Variants in CNTN5 observed in about 807,000 individuals in gnomAD.
CNTN5 encodes the protein contactin-5.
A neutral mutation model predicts 129.1 loss-of-function variants in CNTN5; 77 were observed. The ratio of observed to expected loss-of-function variants is 0.60; its 90% CI spans 0.50 to 0.72. The LOEUF is 0.72. Ranked by LOEUF, CNTN5 falls within the 30% of genes least tolerant of loss-of-function variation. The pLI, the probability that CNTN5 is intolerant of heterozygous loss-of-function variation, is 0.00. For synonymous variants in CNTN5, 509 were observed against 465.6 expected, an observed-to-expected ratio of 1.09 and a Z score of -1.20; for missense variants, 1,478 against 1,328.8, an observed-to-expected ratio of 1.11 and a Z score of -1.75.
intron 3 of CNTN5, among the ~76,000 whole-genome samples, chr11:99,631,907 C>G (rs981862098): frequency 3.3e-5 from 5 of 152,056 alleles, no homozygotes; most frequent in Non-Finnish European, 7.4e-5. Context: ...AGACCACATT[C>G]GTGTAACTTT....
chr11:99,281,604 C>T (rs191863867), intron 1 of CNTN5, among the ~76,000 whole-genome samples: 107 of 152,032 alleles, frequency 7.0e-4, no homozygotes, highest in African/African-American at 1.9e-3. Flanking sequence ...ATGAAACTCA[C>T]GGTCTTTATA....
intron 2 of CNTN5, among the ~76,000 whole-genome samples, chr11:99,486,830 T>C (rs2135334667): frequency 6.6e-6 from 1 of 152,286 alleles, no homozygotes; most frequent in South Asian, 2.1e-4. Context: ...AAAGGAATGA[T>C]GACATAGATC....
intron 1 of CNTN5, among the ~76,000 whole-genome samples, chr11:99,197,940 C>T (rs1858985518): frequency 6.6e-6 from 1 of 151,914 alleles, no homozygotes; most frequent in Non-Finnish European, 1.5e-5. Flanking sequence ...TTAAGAAATT[C>T]CAGTTGTGTC....
chr11:99,996,402 A>G (rs1451546953), intron 8 of CNTN5, among the ~76,000 whole-genome samples: 1 of 152,148 alleles, frequency 6.6e-6, no homozygotes, highest in Non-Finnish European at 1.5e-5. Flanking sequence ...TCTGATAATC[A>G]ATGCTCTCTA....
intron 6 of CNTN5, among the ~76,000 whole-genome samples, chr11:99,894,184 G>A (rs1442240834): frequency 6.6e-6 from 1 of 152,098 alleles, no homozygotes; most frequent in Non-Finnish European, 1.5e-5. Flanking sequence ...TATTGCTCAT[G>A]GTGGCATAGT....
intron 9 of CNTN5, among the ~76,000 whole-genome samples, chr11:100,049,329 T>G (rs565813346): frequency 2.5e-4 from 38 of 152,100 alleles, no homozygotes; most frequent in African/African-American, 9.2e-4. Context: ...ATTGTCAGAT[T>G]CATATCGCAA....
intron 3 of CNTN5, among the ~76,000 whole-genome samples, chr11:99,785,763 T>C (rs1591173728): frequency 6.6e-6 from 1 of 152,086 alleles, no homozygotes; most frequent in East Asian, 1.9e-4. Context: ...CCGCCTGATT[T>C]TCTCAATAGA....
chr11:99,221,043 C>T (rs941992708), intron 1 of CNTN5, among the ~76,000 whole-genome samples: 3 of 151,862 alleles, frequency 2.0e-5, no homozygotes, highest in Non-Finnish European at 4.4e-5. Flanking sequence ...TGGAAATGTT[C>T]TTCTCTGAGT....
At chr11:99,033,033 C>T (rs1249365862) in intron 1 of CNTN5, among the ~76,000 whole-genome samples, 1 of 143,280 alleles carries the variant, frequency 7.0e-6, no homozygotes, top group African/African-American at 2.7e-5. Context: ...GAATCCTTTC[C>T]CCATTGCTTG....
intron 2 of CNTN5, among the ~76,000 whole-genome samples, chr11:99,446,500 A>T (rs1011491184): frequency 1.3e-5 from 2 of 152,018 alleles, no homozygotes; most frequent in African/African-American, 4.8e-5. Flanking sequence ...CAATCCTTCT[A>T]TTTCAGTCAG....
chr11:99,084,549 G>C lies in CNTN5; in HGVS notation c.-210+63279G>C, dbSNP rs1244942869. Among the ~76,000 whole-genome samples, 5 of 152,186 alleles carry C rather than the reference G, an allele frequency of 3.3e-5. No individual in the cohort carries two copies. The East Asian group carries it at 7.7e-4, about 23-fold the overall frequency. ...TTTAACTTTACATGTTATGTTTTCAGACTGTTGAGTTGTTTTTTAATTAAA... is the reference window on the plus strand; with the variant it reads ...TTTAACTTTACATGTTATGTTTTCACACTGTTGAGTTGTTTTTTAATTAAA... On this transcript the variant is annotated intron_variant, in intron 1 of 24. Coordinates refer to ENST00000524871, the MANE Select transcript of CNTN5 (RefSeq NM_014361.4).
intron 2 of CNTN5, among the ~76,000 whole-genome samples, chr11:99,419,865 C>A (rs535990474): frequency 3.9e-5 from 6 of 152,036 alleles, no homozygotes; most frequent in South Asian, 2.1e-4. Flanking sequence ...CAACAGAGGT[C>A]TTTTAATTAA....
Position 100,114,791 on chromosome 11 carries a change from CAAAT to C in CNTN5, c.1580+40499_1580+40502del, listed in dbSNP as rs1945784316. 3.3e-5 allele frequency among the ~76,000 whole-genome samples: 5 copies of C among 152,084 alleles called. No individual in the cohort carries two copies. In the South Asian group the frequency reaches 1.0e-3, roughly 32 times the overall value. ...CATGTCATCTCATTCATTCATTCAA[CAAAT>C]AGATAATGAGCACTTGCTGTGTACC... On this transcript the variant is annotated intron_variant, in intron 13 of 24. Coordinates refer to ENST00000524871, the MANE Select transcript of CNTN5 (RefSeq NM_014361.4).
intron 2 of CNTN5, among the ~76,000 whole-genome samples, chr11:99,421,658 G>C (rs530887761): frequency 1.3e-5 from 2 of 152,228 alleles, no homozygotes; most frequent in African/African-American, 4.8e-5. Context: ...CGCATTGCAT[G>C]TTTCAAAATA....
Position 99,747,559 on chromosome 11 carries a change from G to A in CNTN5, c.56-71985G>A, listed in dbSNP as rs151078372. On this transcript the variant is annotated intron_variant, in intron 3 of 24. Transcript: ENST00000524871. ...CTGCTCACTGCAAGCTCTGCCTCCC[G>A]GGTTTACCCCATTCTCCTGACTCAG... 3.2e-3 allele frequency among the ~76,000 whole-genome samples: 460 copies of A among 142,828 alleles called. 1 individual carries two copies. Among genetic ancestry groups the A allele is most frequent in the Middle Eastern group, 4.2e-3 (1 of 236 alleles). The allele number at this position is 142,828 out of a possible 152,430, so 93.7% of individuals were successfully genotyped here. A position where few individuals can be genotyped will look rare whatever the true frequency, so the allele number is the denominator to read the frequency against.
intron 2 of CNTN5, among the ~76,000 whole-genome samples, chr11:99,511,739 C>A (rs920026791): frequency 1.3e-5 from 2 of 151,892 alleles, no homozygotes; most frequent in African/African-American, 4.8e-5. Context: ...GTATTGGGTG[C>A]ATATATATTT....
intron 10 of CNTN5, among the ~76,000 whole-genome samples, chr11:100,067,595 C>G (rs1214205024): frequency 1.2e-4 from 18 of 151,736 alleles, no homozygotes; most frequent in Admixed American, 1.2e-3. Context: ...TTCAAAGCAA[C>G]AAAATATGAA....
intron 4 of CNTN5, among the ~76,000 whole-genome samples, chr11:99,826,394 C>G (rs1159070741): frequency 6.6e-6 from 1 of 152,154 alleles, no homozygotes; most frequent in African/African-American, 2.4e-5. Context: ...CAAGTCCACA[C>G]CTTTCAATGT....
chr11:99,837,077 C>T (rs1050725759), intron 4 of CNTN5, among the ~76,000 whole-genome samples: 1 of 152,080 alleles, frequency 6.6e-6, no homozygotes, highest in Non-Finnish European at 1.5e-5. Flanking sequence ...TGCTTACCTC[C>T]TGTCTTATTT....
Sources: gnomAD v4.1 joint callset for allele counts (sites outside exome capture counted in the v4.1 genomes callset) on GRCh38, gnomAD v4.1.1 for gene constraint, MANE v1.5 for transcripts, NCBI Gene and HGNC (gene_info 2026-07-23, HGNC 2026-07-21) for gene names.